The following ERN1 variants were observed in gnomAD, a reference collection of about 807,000 sequenced individuals.
The protein encoded by ERN1 is endoplasmic reticulum to nucleus signaling 1, also known as serine/threonine-protein kinase/endoribonuclease IRE1.
Under a neutral mutation model 113.1 loss-of-function variants are expected in ERN1, and 39 were observed. The ratio of observed to expected loss-of-function variants is 0.34; its 90% CI spans 0.27 to 0.45. The LOEUF is 0.45. Among genes scored for constraint, ERN1 ranks in the 20% least tolerant of loss-of-function variants. The pLI is 1.00. For synonymous variants in ERN1, 507 were observed against 515.9 expected (o/e 0.98, Z 0.23); for missense variants, 976 against 1,274.8 (o/e 0.77, Z 3.57).
At chr17:64,057,531 G>C (rs1022418524) in intron 12 of ERN1, among the ~76,000 whole-genome samples, 2 of 152,094 alleles carry the variant, frequency 1.3e-5, no homozygotes, top group Non-Finnish European at 2.9e-5. Context: ...ACCATGCCCG[G>C]CTAATTTTTT....
intron 11 of ERN1, among the ~76,000 whole-genome samples, chr17:64,060,262 G>A (rs543199553): frequency 1.7e-4 from 26 of 152,292 alleles, no homozygotes; most frequent in African/African-American, 6.3e-4. Context: ...GCTTGGTCCT[G>A]CTGCCTTTCC....
intron 2 of ERN1, among the ~76,000 whole-genome samples, chr17:64,093,886 T>C (rs191247125): frequency 2.0e-5 from 3 of 152,302 alleles, no homozygotes; most frequent in East Asian, 1.9e-4. Flanking sequence ...GTGGTATCCG[T>C]AGGGAGAGCA....
At chr17:64,090,174 AT>A (rs143336688) in intron 2 of ERN1, among the ~76,000 whole-genome samples, 2,916 of 151,686 alleles carry the variant, frequency 0.019, 87 homozygotes, top group African/African-American at 0.066. Context: ...TGAGGAAAGC[AT>A]TTTTTTTTAA....
Position 64,054,068 on chromosome 17 carries a change from T to A in ERN1, c.1953+182A>T. The stretch of plus-strand genomic sequence containing the variant: ...AATCTTCCCACCTCAGCCTCCCAAG[T>A]AGCTGGGGCTACAGGAACACATCGC... On this transcript the variant is annotated intron_variant, in intron 15 of 21. Transcript: ENST00000433197. The surrounding 1 kb of genome is among the most constrained non-coding windows in gnomAD (Gnocchi z 4.9). 3.8e-6 allele frequency: 2 copies of A among 532,684 alleles called. No homozygotes were observed. The highest frequency in any genetic ancestry group is 4.8e-5 in the South Asian group (2 of 41,712). The allele number at this position is 532,684 out of a possible 1,614,324, so 33.0% of individuals were successfully genotyped here.
rs1345789668 is a variant in ERN1 at position 64,064,058 on chromosome 17, C to T, written c.1015G>A (p.Asp339Asn). ...TTGAGTCCGGGATCAAACTTGACGT[C>T]CGTGCTGGGCGTGATCACACACTCC... is the stretch of plus-strand genomic sequence containing the variant. ...KGECVITPSTDVKFDPGLKSK... is the reference protein window; with the variant it reads ...KGECVITPSTNVKFDPGLKSK... The change falls in exon 10 of 22, where the codon GAC becomes AAC. Residue 339 changes from aspartate (D) to asparagine (N), a missense_variant. Around this residue, in one of 5 missense-constraint regions of ERN1, gnomAD observed 459 missense variants for 581.2 expected, o/e 0.79. Coordinates refer to ENST00000433197, the MANE Select transcript of ERN1 (RefSeq NM_001433.5). 7 of 1,613,760 alleles carry T rather than the reference C, an allele frequency of 4.3e-6. No individual in the cohort carries two copies. The highest frequency in any genetic ancestry group is 5.9e-6 in the Non-Finnish European group (7 of 1,179,846).
intron 1 of ERN1, among the ~76,000 whole-genome samples, chr17:64,107,634 CAA>C (rs982646739): frequency 2.6e-5 from 4 of 152,096 alleles, no homozygotes; most frequent in South Asian, 2.1e-4. Context: ...GATTTTTATT[CAA>C]ATCAAACCCT....
In ERN1 at chr17:64,072,104, C is replaced by T; in HGVS notation, c.356-1G>A. Reference sequence around the variant, plus strand: ...ACATACCAGATGTCCTGCTTTTTACCTGAAAGGACACAAAAACACATCGTC... The same window carrying T: ...ACATACCAGATGTCCTGCTTTTTACTTGAAAGGACACAAAAACACATCGTC... On this transcript the variant is annotated splice_acceptor_variant, in intron 5 of 21. Coordinates refer to ENST00000433197, the MANE Select transcript of ERN1 (RefSeq NM_001433.5). LOFTEE classifies it high-confidence loss of function. The T allele has an allele frequency of 1.2e-6, 2 of 1,613,044 alleles. No homozygotes were observed. The highest frequency in any genetic ancestry group is 1.7e-6 in the Non-Finnish European group (2 of 1,179,560).
chr17:64,079,720 G>A lies in ERN1; in HGVS notation c.224C>T (p.Pro75Leu), dbSNP rs1389021776. ...PTHVEEPAFL[P>L]DPNDGSLYTL... ...ATACAGGCTGCCATCATTAGGATCT[G>A]GGAGAAAGGCAGGCCTAGAGATTAA... The change falls in exon 4 of 22, where the codon CCA (proline) becomes CTA (leucine). Residue 75 changes from proline (P) to leucine (L), a missense_variant. This residue lies in a region of ERN1 where 459 missense variants were observed against 581.2 expected (regional missense o/e 0.79). Coordinates refer to ENST00000433197, the MANE Select transcript of ERN1 (RefSeq NM_001433.5). 4.3e-6 allele frequency: 7 copies of A among 1,613,398 alleles called. No individual in the cohort carries two copies. Among genetic ancestry groups the A allele is most frequent in the Non-Finnish European group, 5.1e-6 (6 of 1,179,478 alleles).
chr17:64,106,976 A>G (rs1914547685), intron 1 of ERN1, among the ~76,000 whole-genome samples: 1 of 152,144 alleles, frequency 6.6e-6, no homozygotes, highest in African/African-American at 2.4e-5. Context: ...TTGCAGCAAT[A>G]TTATCTGTCT....
chr17:64,120,180 T>C (rs1283299784), intron 1 of ERN1, among the ~76,000 whole-genome samples: 1 of 152,196 alleles, frequency 6.6e-6, no homozygotes, highest in Non-Finnish European at 1.5e-5. Flanking sequence ...GACTGAGTCA[T>C]GGCTGGGAAG....
chr17:64,094,513 C>T (rs1221348311), intron 2 of ERN1, among the ~76,000 whole-genome samples: 3 of 152,020 alleles, frequency 2.0e-5, no homozygotes, highest in African/African-American at 7.3e-5. Flanking sequence ...GTAAAGGAAG[C>T]GCTGGGTCCC....
In ERN1 at chr17:64,050,809, G is replaced by A. The variant is rs185301131; in HGVS notation, c.2254-1607C>T. 1.8e-4 allele frequency among the ~76,000 whole-genome samples: 27 copies of A among 152,296 alleles called. No homozygotes were observed. The East Asian group carries it at 3.7e-3, about 21-fold the overall frequency. ...GTTAAAATTAAGTGTTACGGCGTGC[G>A]TGCGTGTTTTTATGATTCTTCGCTG... On this transcript the variant is annotated intron_variant, in intron 17 of 21. Coordinates refer to ENST00000433197, the MANE Select transcript of ERN1 (RefSeq NM_001433.5).
At chr17:64,112,566 A>G (rs2143485467) in intron 1 of ERN1, among the ~76,000 whole-genome samples, 1 of 152,322 alleles carries the variant, frequency 6.6e-6, no homozygotes, top group Admixed American at 6.5e-5. Flanking sequence ...GGTTGTTAAA[A>G]AGGTAGATTG....
intron 4 of ERN1, among the ~76,000 whole-genome samples, chr17:64,079,408 G>A (rs1478373701): frequency 6.6e-6 from 1 of 152,164 alleles, no homozygotes; most frequent in East Asian, 1.9e-4. Context: ...ATCCTCCAGT[G>A]TATGGGCTGG....
intron 1 of ERN1, among the ~76,000 whole-genome samples, chr17:64,118,267 C>G (rs1256903101): frequency 1.3e-5 from 2 of 152,172 alleles, no homozygotes; most frequent in Non-Finnish European, 2.9e-5. Context: ...GCACAGCTAG[C>G]TAGTACAGAA....
chr17:64,068,100 T>A, intron 7 of ERN1, 90 bp downstream of exon 7: 1 of 882,400 alleles, frequency 1.1e-6, no homozygotes, highest in East Asian at 2.7e-5. Context: ...AAGAGTATCT[T>A]AAAAGAAAAT....
intron 1 of ERN1, among the ~76,000 whole-genome samples, chr17:64,121,944 T>C (rs1567889624): frequency 6.6e-6 from 1 of 152,102 alleles, no homozygotes; most frequent in Non-Finnish European, 1.5e-5. Flanking sequence ...AAGGCCATGA[T>C]TCTTAACGGA....
chr17:64,116,980 C>T (rs1437942658), intron 1 of ERN1, among the ~76,000 whole-genome samples: 1 of 148,564 alleles, frequency 6.7e-6, no homozygotes, highest in Non-Finnish European at 1.5e-5. Context: ...GGTGTTGTGG[C>T]GTGTGCCTGT....
chr17:64,100,957 G>C (rs1328416917), intron 1 of ERN1, among the ~76,000 whole-genome samples: 1 of 152,120 alleles, frequency 6.6e-6, no homozygotes, highest in African/African-American at 2.4e-5. Context: ...CAGCTCCTCA[G>C]GCCCAGCTAA....
Sources: allele counts gnomAD v4.1 joint callset (sites outside exome capture counted in the v4.1 genomes callset), GRCh38; gene constraint gnomAD v4.1.1; regional missense constraint gnomAD v4.1.1; non-coding constraint Gnocchi (gnomAD v3.1); transcripts MANE v1.5; gene names NCBI Gene and HGNC (gene_info 2026-07-23, HGNC 2026-07-21).